Variants in CRMP1 observed in about 807,000 individuals in gnomAD.
CRMP1 encodes dihydropyrimidinase-related protein 1.
A neutral mutation model predicts 68.3 loss-of-function variants in CRMP1; 19 were observed. The observed-to-expected ratio is 0.28, with a 90% CI of 0.19 to 0.41. The LOEUF (loss-of-function observed/expected upper bound fraction) is 0.41. Among genes scored for constraint, CRMP1 ranks in the 10% least tolerant of loss-of-function variants. The pLI, the probability that CRMP1 is intolerant of heterozygous loss-of-function variation, is 1.00. For synonymous variants in CRMP1, 439 were observed against 399.6 expected, an observed-to-expected ratio of 1.10 and a Z score of -1.18; for missense variants, 791 against 967.4, an observed-to-expected ratio of 0.82 and a Z score of 2.42.
At chr4:5,845,049 C>T (rs1712088117) in intron 6 of CRMP1, among the ~76,000 whole-genome samples, 1 of 152,182 alleles carries the variant, frequency 6.6e-6, no homozygotes, top group African/African-American at 2.4e-5. Context: ...CTATGCCTGG[C>T]CAAAGATGGA....
rs536038858 is a variant in CRMP1 at position 5,834,695 on chromosome 4, C to T, written c.1623+1220G>A. ...ACAGACCCCAAGCAGTGTGTACACA[C>T]GTGAAATAATTCATAATAAATAATA... On this transcript the variant is annotated intron_variant, in intron 11 of 13. Coordinates refer to ENST00000324989, the MANE Select transcript of CRMP1 (RefSeq NM_001014809.3). The surrounding 1 kb of genome is among the most constrained non-coding windows in gnomAD (Gnocchi z 4.3). 3.3e-5 allele frequency among the ~76,000 whole-genome samples: 5 copies of T among 152,196 alleles called. No homozygotes were observed. The highest frequency in any genetic ancestry group is 1.3e-4 in the Admixed American group (2 of 15,276).
In CRMP1 at chr4:5,821,844, C is replaced by T. The variant is rs749553069; in HGVS notation, c.1977G>A (p.Gln659=). 1.9e-5 allele frequency: 30 copies of T among 1,583,842 alleles called. No homozygotes were observed. In the Middle Eastern group the frequency reaches 2.2e-3, roughly 115 times the overall value. ...TGCGCCTGGGATTGTTGTCATCTATCTGGGCACCTGAAAGAGAGCGCCAAT... is the reference window on the plus strand; with the variant it reads ...TGCGCCTGGGATTGTTGTCATCTATTTGGGCACCTGAAAGAGAGCGCCAAT... ...HQSNFSLSGA[Q]IDDNNPRRTG... The change falls in exon 14 of 14, where the codon CAG becomes CAA. Residue 659 remains glutamine, a synonymous_variant. Coordinates refer to ENST00000324989, the MANE Select transcript of CRMP1 (RefSeq NM_001014809.3). This position sits in a 1 kb window ranked among gnomAD's most constrained non-coding sequence, Gnocchi z 4.4.
Position 5,888,226 on chromosome 4 carries a change from AC to A in CRMP1, c.381+4362del. The A allele has an allele frequency of 7.8e-7, 1 of 1,274,312 alleles. No individual in the cohort carries two copies. The highest frequency in any genetic ancestry group is 1.0e-6 in the Non-Finnish European group (1 of 1,004,932). The allele number at this position is 1,274,312 out of a possible 1,614,324, so 78.9% of individuals were successfully genotyped here. On this transcript the variant is annotated intron_variant, in intron 1 of 13. Coordinates refer to ENST00000324989, the MANE Select transcript of CRMP1 (RefSeq NM_001014809.3). The surrounding 1 kb of genome is among the most constrained non-coding windows in gnomAD (Gnocchi z 6.4). ...GGGGCGGCGGGGGCGGGGGCCGCTT[AC>A]CGTGATGTGCGGGATGCTCTTCTTG...
Position 5,888,132 on chromosome 4 carries a change from C to A in CRMP1, c.381+4457G>T. ...CGGCGACGCAGGAGGCCTCGGGGGGCGCCCCTGCCGGCGCCCCGTGGATCT... is the reference window on the plus strand; with the variant it reads ...CGGCGACGCAGGAGGCCTCGGGGGGAGCCCCTGCCGGCGCCCCGTGGATCT... On this transcript the variant is annotated intron_variant, in intron 1 of 13. Coordinates refer to ENST00000324989, the MANE Select transcript of CRMP1 (RefSeq NM_001014809.3). The surrounding 1 kb of genome is among the most constrained non-coding windows in gnomAD (Gnocchi z 6.4). 8.2e-7 allele frequency: 1 copy of A among 1,217,198 alleles called. No individual in the cohort carries two copies. Among genetic ancestry groups the A allele is most frequent in the Non-Finnish European group, 1.0e-6 (1 of 976,412 alleles). The allele number at this position is 1,217,198 out of a possible 1,614,324, so 75.4% of individuals were successfully genotyped here. A position where few individuals can be genotyped will look rare whatever the true frequency, so the allele number is the denominator to read the frequency against.
At chr4:5,852,481 T>C (rs1712733675) in intron 4 of CRMP1, among the ~76,000 whole-genome samples, 2 of 152,238 alleles carry the variant, frequency 1.3e-5, no homozygotes, top group African/African-American at 4.8e-5. Context: ...CCTCCCTTTC[T>C]TCCCTCCCTC....
In CRMP1 at chr4:5,879,870, G is replaced by A. The variant is rs1026229194; in HGVS notation, c.381+12719C>T. On this transcript the variant is annotated intron_variant, in intron 1 of 13. Transcript: ENST00000324989. The surrounding 1 kb of genome is among the most constrained non-coding windows in gnomAD (Gnocchi z 4.2). Reference sequence around the variant, plus strand: ...TAAAATATAGCAAAAAAAAAAATGAGACGAAAGGAAAGGAAAATGAAAGAA... The same window carrying A: ...TAAAATATAGCAAAAAAAAAAATGAAACGAAAGGAAAGGAAAATGAAAGAA... Among the ~76,000 whole-genome samples the A allele has an allele frequency of 1.3e-5, 2 of 151,628 alleles. No individual in the cohort carries two copies. Among genetic ancestry groups the A allele is most frequent in the Non-Finnish European group, 2.9e-5 (2 of 67,986 alleles).
chr4:5,851,370 C>A, intron 5 of CRMP1, 38 bp downstream of exon 5: 1 of 1,601,108 alleles, frequency 6.2e-7, no homozygotes, highest in Non-Finnish European at 8.6e-7. Context: ...CCAGTCCTGC[C>A]CAGACAAGAG....
Position 5,828,024 on chromosome 4 carries a change from G to A in CRMP1, c.1803+465C>T, listed in dbSNP as rs144954015. 9.7e-4 allele frequency: 958 copies of A among 984,750 alleles called. 6 individuals carry two copies. The African/African-American group carries it at 0.015, about 16-fold the overall frequency. The allele number at this position is 984,750 out of a possible 1,614,324, so 61.0% of individuals were successfully genotyped here. ...GGGAGGAAGGAAAGGAAGAAAGGGC[G>A]GATCTGAAGGAAGCCCTGCCTGCAA... On this transcript the variant is annotated intron_variant, in intron 12 of 13. Transcript: ENST00000324989.
At position 5,866,212 on chromosome 4, in the gene CRMP1, A is replaced by G. The variant is rs1467584451; in HGVS notation, c.470+456T>C. On this transcript the variant is annotated intron_variant, in intron 2 of 13. Transcript: ENST00000324989. The surrounding 1 kb of genome is among the most constrained non-coding windows in gnomAD (Gnocchi z 5.9). Reference sequence around the variant, plus strand: ...CCAAGGCTGGGCTTGGAAGCCACACATTCCTCCTTCCTCTCTGCTCTCCTC... The same window carrying G: ...CCAAGGCTGGGCTTGGAAGCCACACGTTCCTCCTTCCTCTCTGCTCTCCTC... 6.6e-6 allele frequency among the ~76,000 whole-genome samples: 1 copy of G among 152,092 alleles called. No individual in the cohort carries two copies. Among genetic ancestry groups the G allele is most frequent in the Non-Finnish European group, 1.5e-5 (1 of 68,014 alleles).
chr4:5,872,374 G>A lies in CRMP1; in HGVS notation c.382-5618C>T, dbSNP rs774279016. Among the ~76,000 whole-genome samples the A allele has an allele frequency of 5.9e-5, 9 of 152,184 alleles. No homozygotes were observed. Among genetic ancestry groups the A allele is most frequent in the Admixed American group, 1.3e-4 (2 of 15,284 alleles). On this transcript the variant is annotated intron_variant, in intron 1 of 13. Transcript: ENST00000324989. The surrounding 1 kb of genome is among the most constrained non-coding windows in gnomAD (Gnocchi z 4.6). ...AAACAGCAGATGTGAACAATGGTAC[G>A]CTCTGCACAAACATTATTATGTATA...
Position 5,838,344 on chromosome 4 carries a change from A to G in CRMP1, c.1310+1178T>C, listed in dbSNP as rs1383182. On this transcript the variant is annotated intron_variant, in intron 9 of 13. Coordinates refer to ENST00000324989, the MANE Select transcript of CRMP1 (RefSeq NM_001014809.3). The surrounding 1 kb of genome is among the most constrained non-coding windows in gnomAD (Gnocchi z 4.9). ...TGAGTTCTGCCTTGTTGGATGTTGC[A>G]GGGACTTGGGTTTCACTGGCAGAGG... Among the ~76,000 whole-genome samples, 89,081 of 151,718 alleles carry G rather than the reference A, an allele frequency of 0.59. 28,625 individuals carry two copies. Among genetic ancestry groups the G allele is most frequent in the African/African-American group, 0.87 (35,937 of 41,394 alleles).
At chr4:5,867,682 T>C (rs935876060) in intron 1 of CRMP1, among the ~76,000 whole-genome samples, 3 of 152,046 alleles carry the variant, frequency 2.0e-5, no homozygotes, top group African/African-American at 7.2e-5. Flanking sequence ...GAGACAGATG[T>C]TTATCAAGTC....
chr4:5,835,886 C>G (rs543620226), intron 11 of CRMP1, 29 bp downstream of exon 11: 24 of 1,413,550 alleles, frequency 1.7e-5, no homozygotes, highest in African/African-American at 1.2e-4. Context: ...AATCACTTAT[C>G]TCAGCAGCAC....
intron 1 of CRMP1, among the ~76,000 whole-genome samples, chr4:5,871,514 G>C (rs1171767505): frequency 1.3e-5 from 2 of 152,142 alleles, no homozygotes; most frequent in East Asian, 3.9e-4. Context: ...CAAAAAATTA[G>C]CCGGGCGTGG....
At chr4:5,845,960 G>A (rs147970317) in intron 6 of CRMP1, among the ~76,000 whole-genome samples, 2 of 152,250 alleles carry the variant, frequency 1.3e-5, no homozygotes, top group East Asian at 3.9e-4. Context: ...GAGGGGTGGT[G>A]CCTCCCAGTA....
rs1719322819 is a variant in CRMP1 at position 5,825,036 on chromosome 4, G to A, written c.1969+458C>T. On this transcript the variant is annotated intron_variant, in intron 13 of 13. Transcript: ENST00000324989. The surrounding 1 kb of genome is among the most constrained non-coding windows in gnomAD (Gnocchi z 4.4). ...ATAGGGTATAATGTTACTTTATGGA[G>A]TAGTGAGGATAAAATAAAATCATGG... The A allele has an allele frequency of 3.0e-6, 3 of 985,144 alleles. No individual in the cohort carries two copies. The Admixed American group carries it at 1.8e-4, about 61-fold the overall frequency. 61.0% of individuals were successfully genotyped at this position (985,144 alleles called of 1,614,324 possible). A position where few individuals can be genotyped will look rare whatever the true frequency, so the allele number is the denominator to read the frequency against.
rs1560505923 is a variant in CRMP1 at position 5,857,019 on chromosome 4, T to TCACCACC, written c.656-713_656-712insGGTGGTG. Among the ~76,000 whole-genome samples the TCACCACC allele has an allele frequency of 8.4e-3, 49 of 5,856 alleles. 2 individuals are homozygous for TCACCACC. The highest frequency in any genetic ancestry group is 0.054 in the South Asian group (15 of 276). The allele number at this position is 5,856 out of a possible 152,430, so 3.8% of individuals were successfully genotyped here. ...ACCATCCACTATCATCACCACCATC[T>TCACCACC]GCTATCATCACCACCATCCACTATT... is the stretch of plus-strand genomic sequence containing the variant. On this transcript the variant is annotated intron_variant, in intron 3 of 13. Transcript: ENST00000324989.
chr4:5,825,821 A>C lies in CRMP1; in HGVS notation c.1804-162T>G, dbSNP rs1173636863. The C allele has an allele frequency of 1.5e-6, 1 of 672,702 alleles. No individual in the cohort carries two copies. The highest frequency in any genetic ancestry group is 3.4e-5 in the Admixed American group (1 of 29,094). The allele number at this position is 672,702 out of a possible 1,614,324, so 41.7% of individuals were successfully genotyped here. A position where few individuals can be genotyped will look rare whatever the true frequency, so the allele number is the denominator to read the frequency against. On this transcript the variant is annotated intron_variant, in intron 12 of 13. Coordinates refer to ENST00000324989, the MANE Select transcript of CRMP1 (RefSeq NM_001014809.3). This position sits in a 1 kb window ranked among gnomAD's most constrained non-coding sequence, Gnocchi z 4.4. ...CACACACGACAGGTGCACTTCACAC[A>C]CATGCAGCCGCACACAGGCATTCAT...
rs1715108976 is a variant in CRMP1, at chr4:5,879,800, A to G, written c.381+12789T>C. Among the ~76,000 whole-genome samples, 1 of 152,170 alleles carries G rather than the reference A, an allele frequency of 6.6e-6. No individual in the cohort carries two copies. Among genetic ancestry groups the G allele is most frequent in the South Asian group, 2.1e-4 (1 of 4,822 alleles). ...AAACTCGTTTAAGAGGTTCCCAGTA[A>G]TTAAAGTTTTATTTGGATTCCTTTT... On this transcript the variant is annotated intron_variant, in intron 1 of 13. Transcript: ENST00000324989. The surrounding 1 kb of genome is among the most constrained non-coding windows in gnomAD (Gnocchi z 4.2).
Sources: gnomAD v4.1 joint callset for allele counts (sites outside exome capture counted in the v4.1 genomes callset) on GRCh38, gnomAD v4.1.1 for gene constraint, Gnocchi (gnomAD v3.1) non-coding constraint, MANE v1.5 for transcripts, NCBI Gene and HGNC (gene_info 2026-07-23, HGNC 2026-07-21) for gene names.